NOS1: variants seen among roughly 807,000 people sequenced by gnomAD.
NOS1 encodes the protein NOS type I.
Under a neutral mutation model 164.5 loss-of-function variants are expected in NOS1, and 51 were observed. The observed-to-expected ratio is 0.31, with a 90% CI of 0.25 to 0.39. The LOEUF is 0.39. Ranked by LOEUF, NOS1 falls within the 10% of genes least tolerant of loss-of-function variation. The pLI is 1.00. For missense variants in NOS1, 1,362 were observed against 1,885.6 expected (o/e 0.72, Z 5.14); for synonymous variants, 719 against 745.8 (o/e 0.96, Z 0.59).
At chr12:117,270,091 T>C (rs1487984172) in intron 10 of NOS1, among the ~76,000 whole-genome samples, 1 of 152,138 alleles carries the variant, frequency 6.6e-6, no homozygotes, top group African/African-American at 2.4e-5. Context: ...AAAAAAGAAC[T>C]CATGACATGC....
At chr12:117,318,602 G>A (rs1373256742) in intron 2 of NOS1, among the ~76,000 whole-genome samples, 3 of 152,188 alleles carry the variant, frequency 2.0e-5, no homozygotes, top group Non-Finnish European at 4.4e-5. Context: ...CAGGTTCCCC[G>A]ACCTCTTGCA....
intron 2 of NOS1, among the ~76,000 whole-genome samples, chr12:117,317,704 C>T (rs1874729390): frequency 6.6e-6 from 1 of 152,044 alleles, no homozygotes; most frequent in Non-Finnish European, 1.5e-5. Flanking sequence ...GAGGAGCTCG[C>T]CTTCACTAAA....
chr12:117,211,162 C>T lies in NOS1; in HGVS notation c.*4147G>A. On this transcript the variant is annotated 3_prime_UTR_variant, in exon 29 of 29. Coordinates refer to ENST00000317775, the MANE Select transcript of NOS1 (RefSeq NM_000620.5). ...TTAGTAGAGTCAGGGTTTCTACTAACTGGCTGACTGGTCTCCAACTCCTGA... is the reference window on the plus strand; with the variant it reads ...TTAGTAGAGTCAGGGTTTCTACTAATTGGCTGACTGGTCTCCAACTCCTGA... 6.5e-6 allele frequency: 5 copies of T among 768,900 alleles called. No homozygotes were observed. Among genetic ancestry groups the T allele is most frequent in the Non-Finnish European group, 7.9e-6 (5 of 632,478 alleles). The allele number at this position is 768,900 out of a possible 1,614,324, so 47.6% of individuals were successfully genotyped here.
chr12:117,234,259 G>A lies in NOS1; in HGVS notation c.3235+306C>T, dbSNP rs1869512425. On this transcript the variant is annotated intron_variant, in intron 21 of 28. Coordinates refer to ENST00000317775, the MANE Select transcript of NOS1 (RefSeq NM_000620.5). This position sits in a 1 kb window ranked among gnomAD's most constrained non-coding sequence, Gnocchi z 4.3. ...GATTTTCCTGAGGGCTAGTGGTGAG[G>A]ATGGAAAGTGAAAAGAATGGCTACT... 1.3e-5 allele frequency among the ~76,000 whole-genome samples: 2 copies of A among 152,214 alleles called. No individual in the cohort carries two copies. The highest frequency in any genetic ancestry group is 6.5e-5 in the Admixed American group (1 of 15,284).
At chr12:117,217,919 C>T (rs750958016) in intron 28 of NOS1, 127 bp downstream of exon 28, 18 of 715,960 alleles carry the variant, frequency 2.5e-5, no homozygotes, top group Admixed American at 6.7e-5. Flanking sequence ...ATTTTGAACA[C>T]GTTCCCAGAT....
At position 117,291,327 on chromosome 12, in the gene NOS1, A is replaced by G. The variant is rs569977658; in HGVS notation, c.853-901T>C. On this transcript the variant is annotated intron_variant, in intron 3 of 28. Transcript: ENST00000317775. ...AAACTTCCAGGCTTGTTCCTGCCTCAGGGCCTTTGCACTTACCGTCCCCTC... is the reference window on the plus strand; with the variant it reads ...AAACTTCCAGGCTTGTTCCTGCCTCGGGGCCTTTGCACTTACCGTCCCCTC... Among the ~76,000 whole-genome samples the G allele has an allele frequency of 1.1e-3, 163 of 152,288 alleles. 1 individual carries two copies. Among genetic ancestry groups the G allele is most frequent in the Non-Finnish European group, 2.1e-3 (143 of 68,022 alleles).
At chr12:117,265,024 AAT>A (rs1368896420) in intron 12 of NOS1, among the ~76,000 whole-genome samples, 93 of 151,930 alleles carry the variant, frequency 6.1e-4, no homozygotes, top group African/African-American at 2.1e-3. Flanking sequence ...AAAAAAAAAA[AAT>A]TTAGAGATGG....
chr12:117,305,102 T>A, intron 3 of NOS1: 1 of 982,618 alleles, frequency 1.0e-6, no homozygotes, highest in Non-Finnish European at 1.2e-6. Flanking sequence ...CTTTGTGACA[T>A]TAACAATGCT....
At chr12:117,319,106 C>T (rs1228854498) in intron 2 of NOS1, among the ~76,000 whole-genome samples, 1 of 152,154 alleles carries the variant, frequency 6.6e-6, no homozygotes, top group African/African-American at 2.4e-5. Context: ...CTCTAAAGTA[C>T]AGTGGCATGA....
At position 117,212,844 on chromosome 12, in the gene NOS1, CAGAG is replaced by C. The variant is rs910450133; in HGVS notation, c.*2461_*2464del. On this transcript the variant is annotated 3_prime_UTR_variant, in exon 29 of 29. Transcript: ENST00000317775. ...CTCTGGTCCTTGAGAGGTTACTCAA[CAGAG>C]AGAGAGGCTTTTGGTATCAGGAATT... 6.1e-6 allele frequency: 6 copies of C among 985,232 alleles called. No individual in the cohort carries two copies. Among genetic ancestry groups the C allele is most frequent in the Non-Finnish European group, 7.2e-6 (6 of 829,938 alleles). 61.0% of individuals were successfully genotyped at this position (985,232 alleles called of 1,614,324 possible).
At position 117,212,787 on chromosome 12, in the gene NOS1, C is replaced by T. The variant is rs994218207; in HGVS notation, c.*2522G>A. ...ACCACGAGAGGGCAGTATTTCCCCA[C>T]CCTTGATCTGAGCCTAACAATCTGG... On this transcript the variant is annotated 3_prime_UTR_variant, in exon 29 of 29. Transcript: ENST00000317775. 4.1e-6 allele frequency: 4 copies of T among 985,314 alleles called. No homozygotes were observed. The highest frequency in any genetic ancestry group is 3.5e-5 in the African/African-American group (2 of 57,228). The allele number at this position is 985,314 out of a possible 1,614,324, so 61.0% of individuals were successfully genotyped here.
At chr12:117,282,646 A>C (rs191467884) in intron 7 of NOS1, among the ~76,000 whole-genome samples, 3 of 152,300 alleles carry the variant, frequency 2.0e-5, no homozygotes, top group Admixed American at 1.3e-4. Context: ...TGAGTCTAGA[A>C]TCCAGGCTGG....
intron 7 of NOS1, among the ~76,000 whole-genome samples, chr12:117,283,559 G>T (rs1256682415): frequency 1.3e-5 from 2 of 152,114 alleles, no homozygotes; most frequent in Non-Finnish European, 2.9e-5. Context: ...AGCCCCATTT[G>T]AAAACTACCA....
In NOS1 at chr12:117,208,232, C is replaced by T. The variant is rs1592910280; in HGVS notation, c.*7077G>A. 8.0e-7 allele frequency: 1 copy of T among 1,243,576 alleles called. No homozygotes were observed. Among genetic ancestry groups the T allele is most frequent in the East Asian group, 5.7e-5 (1 of 17,630 alleles). The allele number at this position is 1,243,576 out of a possible 1,614,324, so 77.0% of individuals were successfully genotyped here. ...ATAAAATTGGAAGATGAGAACTATA[C>T]AGAAGAAGAGCATGCGACAAACACA... On this transcript the variant is annotated 3_prime_UTR_variant, in exon 29 of 29. Transcript: ENST00000317775.
At chr12:117,275,833 A>T (rs1281034879) in intron 9 of NOS1, among the ~76,000 whole-genome samples, 1 of 152,112 alleles carries the variant, frequency 6.6e-6, no homozygotes, top group African/African-American at 2.4e-5. Context: ...TTGCATTCTT[A>T]TATTTATCTT....
chr12:117,317,767 C>T (rs1290631171), intron 2 of NOS1, among the ~76,000 whole-genome samples: 1 of 152,132 alleles, frequency 6.6e-6, no homozygotes, highest in Non-Finnish European at 1.5e-5. Context: ...AAAGCCATCC[C>T]CCAATGAGCT....
At chr12:117,222,926 G>C in intron 25 of NOS1, 63 bp from the exon 26 acceptor site, 2 of 1,572,216 alleles carry the variant, frequency 1.3e-6, no homozygotes, top group Non-Finnish European at 8.6e-7. Flanking sequence ...GGTGGCTGAG[G>C]TGCCAGGGAT....
intron 2 of NOS1, among the ~76,000 whole-genome samples, chr12:117,329,742 T>A (rs571332952): frequency 6.6e-6 from 1 of 152,290 alleles, no homozygotes; most frequent in East Asian, 1.9e-4. Flanking sequence ...AGCTCCCACA[T>A]AATCCCAGCA....
chr12:117,251,587 A>G (rs1368643383), intron 17 of NOS1, among the ~76,000 whole-genome samples: 1 of 124,568 alleles, frequency 8.0e-6, no homozygotes, highest in Non-Finnish European at 1.6e-5. Flanking sequence ...TAATCAATTA[A>G]TTTTTTTCAT....
Sources: gnomAD v4.1 joint callset for allele counts (sites outside exome capture counted in the v4.1 genomes callset) on GRCh38, gnomAD v4.1.1 for gene constraint, Gnocchi (gnomAD v3.1) non-coding constraint, MANE v1.5 for transcripts, NCBI Gene and HGNC (gene_info 2026-07-23, HGNC 2026-07-21) for gene names.